STT3A: variants seen among roughly 807,000 people sequenced by gnomAD.
STT3A encodes dolichyl-diphosphooligosaccharide--protein glycosyltransferase subunit STT3A.
STT3A carries 34 observed loss-of-function variants against 89.2 expected under a neutral mutation model. The ratio of observed to expected loss-of-function variants is 0.38; its 90% CI spans 0.29 to 0.51. The LOEUF is 0.51. Ranked by LOEUF, STT3A falls within the 20% of genes least tolerant of loss-of-function variation. STT3A has a pLI of 0.89. For synonymous variants in STT3A, 282 were observed against 310.3 expected (o/e 0.91, Z 0.96); for missense variants, 555 against 889.5 (o/e 0.62, Z 4.78).
intron 17 of STT3A, 92 bp from the exon 18 acceptor site, chr11:125,620,673 CAACATAA>C (rs1202880308): frequency 2.6e-6 from 3 of 1,149,448 alleles, no homozygotes; most frequent in Non-Finnish European, 3.9e-6. Context: ...CTGCAGAACC[CAACATAA>C]TCCTGCCCAC....
intron 12 of STT3A, 90 bp downstream of exon 12, chr11:125,612,837 G>A: frequency 1.3e-6 from 2 of 1,538,312 alleles, no homozygotes; most frequent in Non-Finnish European, 1.8e-6. Flanking sequence ...GAGGAGTAAA[G>A]TAGAGCACTG....
intron 15 of STT3A, among the ~76,000 whole-genome samples, chr11:125,616,357 C>G (rs942838267): frequency 6.6e-6 from 1 of 152,086 alleles, no homozygotes; most frequent in Non-Finnish European, 1.5e-5. Flanking sequence ...GTTTAGGTAA[C>G]AATGACAAGA....
In STT3A at chr11:125,616,177, C is replaced by T. The variant is rs972113949; in HGVS notation, c.1774+1751C>T. On this transcript the variant is annotated intron_variant, in intron 15 of 17. Coordinates refer to ENST00000392708, the MANE Select transcript of STT3A (RefSeq NM_152713.5). ...GATTGTTTCCAGGACACCCCCACCC[C>T]TATCCTCACCCCTCACCAGGATACC... is the stretch of plus-strand genomic sequence containing the variant. 2.6e-5 allele frequency among the ~76,000 whole-genome samples: 4 copies of T among 152,316 alleles called. No homozygotes were observed. The South Asian group carries it at 8.3e-4, about 32-fold the overall frequency.
rs1281556697 is a variant in STT3A at position 125,614,277 on chromosome 11, A to G, written c.1672-47A>G. 5.6e-6 allele frequency: 9 copies of G among 1,613,338 alleles called. No individual in the cohort carries two copies. The highest frequency in any genetic ancestry group is 3.3e-5 in the Admixed American group (2 of 59,990). On this transcript the variant is annotated intron_variant, in intron 14 of 17. Coordinates refer to ENST00000392708, the MANE Select transcript of STT3A (RefSeq NM_152713.5). This position sits in a 1 kb window ranked among gnomAD's most constrained non-coding sequence, Gnocchi z 4.9. ...GGAAATGTGTCTGCATGAGGGGATC[A>G]TATGACTTGGGATTTTGCTCTGAGA...
intron 3 of STT3A, among the ~76,000 whole-genome samples, chr11:125,600,701 T>C (rs1939646674): frequency 6.6e-6 from 1 of 152,196 alleles, no homozygotes; most frequent in South Asian, 2.1e-4. Context: ...GACTTACATA[T>C]TTTGGGCCTA....
At position 125,609,557 on chromosome 11, in the gene STT3A, T is replaced by C; in HGVS notation, c.1085T>C (p.Phe362Ser). 6.2e-7 allele frequency: 1 copy of C among 1,614,024 alleles called. No individual in the cohort carries two copies. The highest frequency in any genetic ancestry group is 8.5e-7 in the Non-Finnish European group (1 of 1,180,014). ...CCCACAACCTGGTCCTCATACTATT[T>C]TGACCTGCAGCTCCTCGTCTTCATG... ...HQPTTWSSYY[F>S]DLQLLVFMFP... The change falls in exon 10 of 18, where the codon TTT becomes TCT. Residue 362 changes from phenylalanine (F) to serine (S), a missense_variant. Around this residue, in one of 5 missense-constraint regions of STT3A, gnomAD observed 273 missense variants for 449.8 expected, o/e 0.61. Transcript: ENST00000392708.
intron 11 of STT3A, among the ~76,000 whole-genome samples, chr11:125,611,897 G>A (rs1238665836): frequency 1.5e-4 from 6 of 39,822 alleles, no homozygotes; most frequent in Non-Finnish European, 2.7e-4. Flanking sequence ...TTTTTTTTGA[G>A]ACAGAGTTTC....
intron 17 of STT3A, 101 bp downstream of exon 17, chr11:125,620,227 T>G: frequency 1.1e-6 from 1 of 882,158 alleles, no homozygotes. Context: ...GGGAAATTTC[T>G]CATGACACCT....
upstream of STT3A, among the ~76,000 whole-genome samples, chr11:125,592,085 G>T (rs1197893074): frequency 6.6e-6 from 1 of 152,206 alleles, no homozygotes; most frequent in Non-Finnish European, 1.5e-5. Flanking sequence ...CTGCCTCCCG[G>T]TCTCCCGAGG....
intron 8 of STT3A, among the ~76,000 whole-genome samples, chr11:125,607,100 C>G (rs1178846172): frequency 6.6e-6 from 1 of 152,084 alleles, no homozygotes; most frequent in Admixed American, 6.6e-5. Flanking sequence ...CTTCCAGTAC[C>G]CATACAAGCA....
intron 7 of STT3A, 82 bp downstream of exon 7, chr11:125,605,817 T>C: frequency 1.6e-6 from 2 of 1,231,494 alleles, no homozygotes; most frequent in Non-Finnish European, 2.3e-6. Flanking sequence ...TGACCAACTT[T>C]CTTTTCTGGT....
intron 15 of STT3A, among the ~76,000 whole-genome samples, chr11:125,615,030 C>T (rs2135942137): frequency 6.6e-6 from 1 of 152,190 alleles, no homozygotes; most frequent in East Asian, 1.9e-4. Flanking sequence ...AATCCCAGCA[C>T]TTTGGGAGGC....
Position 125,592,894 on chromosome 11 carries a change from C to G in STT3A, c.-60C>G, listed in dbSNP as rs1939357645. On this transcript the variant is annotated 5_prime_UTR_variant, in exon 1 of 18. Coordinates refer to ENST00000392708, the MANE Select transcript of STT3A (RefSeq NM_152713.5). ...TGAACGGATGGCTGAGGGAGCCCCG[C>G]GGATCGTTTAGGAAAGCCGGCCAGG... 5.7e-6 allele frequency: 1 copy of G among 175,614 alleles called. No individual in the cohort carries two copies. The highest frequency in any genetic ancestry group is 5.9e-5 in the Admixed American group (1 of 16,832). 10.9% of individuals were successfully genotyped at this position (175,614 alleles called of 1,614,324 possible).
At position 125,604,253 on chromosome 11, in the gene STT3A, A is replaced by G. The variant is rs759401678; in HGVS notation, c.508+6A>G. On this transcript the variant is annotated splice_donor_region_variant and intron_variant, in intron 6 of 17. Transcript: ENST00000392708. ...TGGCTCCTATGATAATGAAGGTAAG[A>G]CTTTTAAAATGCTGAAGAAGATCAT... is the stretch of plus-strand genomic sequence containing the variant. The G allele has an allele frequency of 4.3e-6, 7 of 1,613,536 alleles. No individual in the cohort carries two copies. The Admixed American group carries it at 6.7e-5, about 15-fold the overall frequency.
At position 125,614,233 on chromosome 11, in the gene STT3A, T is replaced by A. The variant is rs992461882; in HGVS notation, c.1671+30T>A. Reference sequence around the variant, plus strand: ...GATAAAGGGATGATCTTTGAGTGTTTGGTGTACAAGGTCTAATGGGAAATG... The same window carrying A: ...GATAAAGGGATGATCTTTGAGTGTTAGGTGTACAAGGTCTAATGGGAAATG... On this transcript the variant is annotated intron_variant, in intron 14 of 17. Coordinates refer to ENST00000392708, the MANE Select transcript of STT3A (RefSeq NM_152713.5). This position sits in a 1 kb window ranked among gnomAD's most constrained non-coding sequence, Gnocchi z 4.9. The A allele has an allele frequency of 3.1e-6, 5 of 1,612,722 alleles. No homozygotes were observed. The highest frequency in any genetic ancestry group is 4.2e-6 in the Non-Finnish European group (5 of 1,178,846).
upstream of STT3A, chr11:125,592,701 G>A (rs1939341423): frequency 3.2e-6 from 1 of 312,128 alleles, no homozygotes; most frequent in Non-Finnish European, 6.5e-6. Flanking sequence ...AGTGATAGCT[G>A]TAATGACCAA....
intron 15 of STT3A, among the ~76,000 whole-genome samples, chr11:125,616,598 T>G (rs1338784949): frequency 1.3e-5 from 2 of 152,256 alleles, no homozygotes; most frequent in Non-Finnish European, 2.9e-5. Flanking sequence ...TAAAAAAAGT[T>G]GGGCCTGGCC....
chr11:125,611,794 G>T (rs917494390), intron 11 of STT3A, among the ~76,000 whole-genome samples: 2 of 151,214 alleles, frequency 1.3e-5, no homozygotes, highest in African/African-American at 4.9e-5. Flanking sequence ...CTTAAAACGG[G>T]AGATGATATT....
At chr11:125,595,476 CT>C (rs1282732291) in intron 1 of STT3A, among the ~76,000 whole-genome samples, 4 of 152,156 alleles carry the variant, frequency 2.6e-5, no homozygotes, top group Non-Finnish European at 4.4e-5. Context: ...CCCTCCGCCC[CT>C]GCCACCCCAT....
Sources: allele counts gnomAD v4.1 joint callset (sites outside exome capture counted in the v4.1 genomes callset), GRCh38; gene constraint gnomAD v4.1.1; regional missense constraint gnomAD v4.1.1; non-coding constraint Gnocchi (gnomAD v3.1); transcripts MANE v1.5; gene names NCBI Gene and HGNC (gene_info 2026-07-23, HGNC 2026-07-21).